CCDC9B: variants seen among roughly 807,000 people sequenced by gnomAD.
CCDC9B encodes coiled-coil domain-containing protein 9B.
A neutral mutation model predicts 47.2 loss-of-function variants in CCDC9B; 40 were observed. The ratio of observed to expected loss-of-function variants is 0.85; its 90% confidence interval spans 0.66 to 1.10. The LOEUF is 1.10. CCDC9B is among the 50% of genes least tolerant of loss of function. CCDC9B has a pLI of 0.00. For missense variants in CCDC9B, 662 were observed against 651.0 expected (o/e 1.02, Z -0.18); for synonymous variants, 238 against 250.7 (o/e 0.95, Z 0.48).
chr15:40,338,044 T>A, intron 5 of CCDC9B, 151 bp from the exon 6 acceptor site: 1 of 783,878 alleles, frequency 1.3e-6, no homozygotes. Context: ...ATGGTTTCCA[T>A]CCACTTGTTA....
At chr15:40,335,994 C>T in intron 9 of CCDC9B, 168 bp from the exon 10 acceptor site, 1 of 985,352 alleles carries the variant, frequency 1.0e-6, no homozygotes, top group Non-Finnish European at 1.2e-6. Context: ...AGGGGTGACC[C>T]AGACTCTCCC....
At chr15:40,338,083 C>T (rs1889005188) in intron 5 of CCDC9B, 190 bp from the exon 6 acceptor site, 1 of 732,780 alleles carries the variant, frequency 1.4e-6, no homozygotes, top group South Asian at 1.5e-5. Context: ...GTAATTTAAC[C>T]TCTCTGTGTC....
At position 40,335,520 on chromosome 15, in the gene CCDC9B, G is replaced by C. The variant is rs754039569; in HGVS notation, c.1111C>G (p.Pro371Ala). The C allele has an allele frequency of 6.5e-7, 1 of 1,549,538 alleles. No homozygotes were observed. Among genetic ancestry groups the C allele is most frequent in the South Asian group, 1.2e-5 (1 of 82,944 alleles). Residue 371 changes from proline to alanine, a missense_variant, in exon 11 of 11, where the codon CCT (proline) becomes GCT (alanine). Transcript: ENST00000397536. ...ASSVPCSPQE[P>A]DLAPLDLSLG... ...GAGAGGTCAAGAGGAGCCAAGTCAG[G>C]CTCCTGTGGAGAGCAGGGGACTGAG... is the stretch of plus-strand genomic sequence containing the variant.
chr15:40,332,698 T>A lies in CCDC9B; in HGVS notation c.*2460A>T, dbSNP rs769301127. The A allele has an allele frequency of 2.0e-5, 3 of 152,142 alleles. No individual in the cohort carries two copies. Among genetic ancestry groups the A allele is most frequent in the Non-Finnish European group, 4.4e-5 (3 of 68,038 alleles). 9.4% of individuals were successfully genotyped at this position (152,142 alleles called of 1,614,324 possible). On this transcript the variant is annotated 3_prime_UTR_variant, in exon 11 of 11. Transcript: ENST00000397536. ...GGGAGCAGACTGTGAATCTTATAAT[T>A]CAGATTCTTGATCACAATCATTTTT...
At chr15:40,340,674 T>G (rs1889072186) in intron 1 of CCDC9B, 134 bp downstream of exon 1, 1 of 778,328 alleles carries the variant, frequency 1.3e-6, no homozygotes, top group Non-Finnish European at 2.0e-6. Flanking sequence ...GCAGGTTCTC[T>G]GTTGTGACCC....
At chr15:40,336,501 C>T in intron 9 of CCDC9B, 73 bp downstream of exon 9, 1 of 1,540,856 alleles carries the variant, frequency 6.5e-7, no homozygotes. Flanking sequence ...GAGCTGGCAC[C>T]TGGGCCTGTA....
At chr15:40,339,227 T>C (rs1446750650) in intron 3 of CCDC9B, 11 of 583,466 alleles carry the variant, frequency 1.9e-5, no homozygotes, top group Non-Finnish European at 3.4e-5. Context: ...CTGCAGGGTT[T>C]TAGCCCCTGG....
At position 40,335,230 on chromosome 15, in the gene CCDC9B, G is replaced by T; in HGVS notation, c.1401C>A (p.Gly467=). The part of the protein sequence containing the change: ...LAPRSRPTRG[G]SQRSRGTAGV... ...CTGCTGTGCCTCTCGACCTTTGGCT[G>T]CCTCCTCTCGTGGGCCGGCTTCTCG... is the stretch of plus-strand genomic sequence containing the variant. Residue 467 remains glycine, a synonymous_variant, in exon 11 of 11, where the codon GGC becomes GGA. Coordinates refer to ENST00000397536, the MANE Select transcript of CCDC9B (RefSeq NM_207380.3). 1.3e-6 allele frequency: 2 copies of T among 1,585,804 alleles called. No individual in the cohort carries two copies. Among genetic ancestry groups the T allele is most frequent in the Non-Finnish European group, 8.6e-7 (1 of 1,164,120 alleles).
intron 1 of CCDC9B, 50 bp downstream of exon 1, chr15:40,340,757 GC>G (rs1228733906): frequency 1.3e-6 from 2 of 1,557,618 alleles, no homozygotes; most frequent in Non-Finnish European, 1.7e-6. Flanking sequence ...TGGTATCCCA[GC>G]CCCCTCCCAG....
At chr15:40,338,325 G>T (rs1301345753) in intron 5 of CCDC9B, among the ~76,000 whole-genome samples, 1 of 152,226 alleles carries the variant, frequency 6.6e-6, no homozygotes, top group Non-Finnish European at 1.5e-5. Context: ...AGGGGAGGGG[G>T]CTGGATCACA....
rs1566906797 is a variant in CCDC9B, at chr15:40,333,782, CAGTGG to C, written c.*1371_*1375del. The stretch of plus-strand genomic sequence containing the variant: ...CCCACAGTTTAGGCTTCACATTGGG[CAGTGG>C]AGAAATCCCAGGGTGATCTGGACTC... On this transcript the variant is annotated 3_prime_UTR_variant, in exon 11 of 11. Coordinates refer to ENST00000397536, the MANE Select transcript of CCDC9B (RefSeq NM_207380.3). 1 of 306,364 alleles carries C rather than the reference CAGTGG, an allele frequency of 3.3e-6. No individual in the cohort carries two copies. The highest frequency in any genetic ancestry group is 2.3e-5 in the African/African-American group (1 of 43,988). 19.0% of individuals were successfully genotyped at this position (306,364 alleles called of 1,614,324 possible).
chr15:40,337,505 T>TCCCC, intron 6 of CCDC9B, 59 bp from the exon 7 acceptor site: 1 of 1,428,578 alleles, frequency 7.0e-7, no homozygotes, highest in Middle Eastern at 2.6e-4. Context: ...GGCCCCACCC[T>TCCCC]GACACCCCCC....
Position 40,334,391 on chromosome 15 carries a change from G to T in CCDC9B, c.*767C>A, listed in dbSNP as rs554474072. On this transcript the variant is annotated 3_prime_UTR_variant, in exon 11 of 11. Transcript: ENST00000397536. ...AGTGGAAAGAGCAGGAAATGACCCT[G>T]GGCTGCAGGGCCAGGCCCTTGCCTA... The T allele has an allele frequency of 6.6e-6, 1 of 152,536 alleles. No individual in the cohort carries two copies. Among genetic ancestry groups the T allele is most frequent in the Non-Finnish European group, 1.5e-5 (1 of 68,182 alleles). 9.4% of individuals were successfully genotyped at this position (152,536 alleles called of 1,614,324 possible). A position where few individuals can be genotyped will look rare whatever the true frequency, so the allele number is the denominator to read the frequency against.
intron 9 of CCDC9B, chr15:40,336,360 G>A: frequency 1.0e-6 from 1 of 985,406 alleles, no homozygotes; most frequent in Non-Finnish European, 1.2e-6. Flanking sequence ...CCCAGGGGAA[G>A]GGAGCTGCTG....
At chr15:40,339,826 C>T in intron 2 of CCDC9B, 79 bp downstream of exon 2, 1 of 1,423,160 alleles carries the variant, frequency 7.0e-7, no homozygotes. Flanking sequence ...ATTGCTGAGC[C>T]TGCAGGGAGA....
chr15:40,336,189 C>A, intron 9 of CCDC9B: 1 of 985,458 alleles, frequency 1.0e-6, no homozygotes, highest in Non-Finnish European at 1.2e-6. Flanking sequence ...CCAAGCCTGA[C>A]CTTGTTCCCT....
chr15:40,339,827 T>C, intron 2 of CCDC9B, 78 bp downstream of exon 2: 1 of 1,422,754 alleles, frequency 7.0e-7, no homozygotes, highest in East Asian at 2.3e-5. Flanking sequence ...TTGCTGAGCC[T>C]GCAGGGAGAC....
chr15:40,340,717 G>T, intron 1 of CCDC9B, 91 bp downstream of exon 1: 1 of 1,263,684 alleles, frequency 7.9e-7, no homozygotes, highest in Non-Finnish European at 1.1e-6. Flanking sequence ...AGCCCCAGCT[G>T]TCCCCAGCTG....
rs1421805746 is a variant in CCDC9B at position 40,334,828 on chromosome 15, G to T, written c.*330C>A. On this transcript the variant is annotated 3_prime_UTR_variant, in exon 11 of 11. Coordinates refer to ENST00000397536, the MANE Select transcript of CCDC9B (RefSeq NM_207380.3). ...CAGGTGCTGGGTGCCACCAAGCCTT[G>T]TTCTCTCATCATAGTGGAGAAGGCT... is the stretch of plus-strand genomic sequence containing the variant. The T allele has an allele frequency of 4.7e-6, 1 of 214,758 alleles. No individual in the cohort carries two copies. The highest frequency in any genetic ancestry group is 9.2e-6 in the Non-Finnish European group (1 of 108,964). 13.3% of individuals were successfully genotyped at this position (214,758 alleles called of 1,614,324 possible).
Sources: gnomAD v4.1 joint callset for allele counts (sites outside exome capture counted in the v4.1 genomes callset) on GRCh38, gnomAD v4.1.1 for gene constraint, MANE v1.5 for transcripts, NCBI Gene and HGNC (gene_info 2026-07-23, HGNC 2026-07-21) for gene names.